Variants in TNKS2 observed in about 807,000 individuals in gnomAD.
TNKS2 encodes the protein poly [ADP-ribose] polymerase tankyrase-2.
A neutral mutation model predicts 137.6 loss-of-function variants in TNKS2; 72 were observed. The ratio of observed to expected loss-of-function variants is 0.52; its 90% CI spans 0.43 to 0.64. The LOEUF is 0.64. Ranked by LOEUF, TNKS2 falls within the 30% of genes least tolerant of loss-of-function variation. TNKS2 has a pLI of 0.00. For missense variants in TNKS2, 1,049 were observed against 1,410.2 expected, an observed-to-expected ratio of 0.74 and a Z score of 4.10; for synonymous variants, 516 against 512.1, an observed-to-expected ratio of 1.01 and a Z score of -0.10.
intron 1 of TNKS2, among the ~76,000 whole-genome samples, chr10:91,800,003 C>A (rs1264253639): frequency 1.3e-5 from 2 of 152,152 alleles, no homozygotes; most frequent in African/African-American, 4.8e-5. Context: ...CACTTTCTAC[C>A]AATTGGAGAT....
chr10:91,828,832 G>C (rs918037366), intron 9 of TNKS2, among the ~76,000 whole-genome samples: 1 of 152,104 alleles, frequency 6.6e-6, no homozygotes, highest in African/African-American at 2.4e-5. Context: ...ATTAGATCTA[G>C]AATGTGAATA....
intron 19 of TNKS2, among the ~76,000 whole-genome samples, chr10:91,849,089 G>A (rs1455948256): frequency 2.0e-5 from 3 of 152,094 alleles, no homozygotes; most frequent in South Asian, 2.1e-4. Flanking sequence ...CACCCGCCTC[G>A]GCCTCCCAAA....
intron 16 of TNKS2, among the ~76,000 whole-genome samples, chr10:91,842,724 T>C (rs770077015): frequency 1.3e-5 from 2 of 152,062 alleles, no homozygotes; most frequent in African/African-American, 2.4e-5. Context: ...TAAGCCTTGA[T>C]TGTGCCACTG....
At chr10:91,816,418 T>C (rs1320765743) in intron 2 of TNKS2, among the ~76,000 whole-genome samples, 1 of 152,186 alleles carries the variant, frequency 6.6e-6, no homozygotes, top group African/African-American at 2.4e-5. Context: ...TTAAGATTTT[T>C]CCAAAGAAAA....
In TNKS2 at chr10:91,859,496, C is replaced by T; in HGVS notation, c.3129C>T (p.Gly1043=). ...TTGTGAATGCAATTATCCACAAAGG[C>T]TTTGATGAAAGGCATGCGTACATAG... The part of the protein sequence containing the change: ...SPFVNAIIHK[G]FDERHAYIGG... The change falls in exon 25 of 27, where the codon GGC becomes GGT. Residue 1043 remains glycine (G), a synonymous_variant. Coordinates refer to ENST00000371627, the MANE Select transcript of TNKS2 (RefSeq NM_025235.4). 6.2e-7 allele frequency: 1 copy of T among 1,611,212 alleles called. No homozygotes were observed.
At position 91,859,444 on chromosome 10, in the gene TNKS2, C is replaced by T; in HGVS notation, c.3095-18C>T. On this transcript the variant is annotated intron_variant, in intron 24 of 26. Coordinates refer to ENST00000371627, the MANE Select transcript of TNKS2 (RefSeq NM_025235.4). ...AGATAAATTTTAAATTATTGTTACC[C>T]ATCTATATGTGTTTCAGGGTCTCCT... The T allele has an allele frequency of 9.6e-6, 14 of 1,455,794 alleles. No homozygotes were observed. Among genetic ancestry groups the T allele is most frequent in the Middle Eastern group, 1.8e-4 (1 of 5,462 alleles). 90.2% of individuals were successfully genotyped at this position (1,455,794 alleles called of 1,614,324 possible).
At chr10:91,801,303 T>C (rs1326678823) in intron 1 of TNKS2, among the ~76,000 whole-genome samples, 3 of 152,132 alleles carry the variant, frequency 2.0e-5, no homozygotes, top group Non-Finnish European at 4.4e-5. Flanking sequence ...TAAACAGGAA[T>C]TTTCCTTCTA....
intron 18 of TNKS2, among the ~76,000 whole-genome samples, chr10:91,847,700 C>G (rs1160499877): frequency 6.6e-6 from 1 of 152,146 alleles, no homozygotes; most frequent in Non-Finnish European, 1.5e-5. Context: ...CTACCCACCT[C>G]CTCTCCAAAA....
At position 91,845,910 on chromosome 10, in the gene TNKS2, G is replaced by T; in HGVS notation, c.2328G>T (p.Gln776His). 2 of 1,582,864 alleles carry T rather than the reference G, an allele frequency of 1.3e-6. No individual in the cohort carries two copies. The highest frequency in any genetic ancestry group is 1.7e-6 in the Non-Finnish European group (2 of 1,157,586). Reference sequence around the variant, plus strand: ...GAGCTGACCCGACTCTTAAAAATCAGGAAGGACAAACACCTTTAGATTTAG... The same window carrying T: ...GAGCTGACCCGACTCTTAAAAATCATGAAGGACAAACACCTTTAGATTTAG... ...AHGADPTLKNQEGQTPLDLVS... is the reference protein window; with the variant it reads ...AHGADPTLKNHEGQTPLDLVS... Residue 776 changes from glutamine to histidine, a missense_variant, in exon 18 of 27, where the codon CAG (glutamine) becomes CAT (histidine). By Grantham distance (24) the Gln-to-His change is conservative. Around this residue, in one of 6 missense-constraint regions of TNKS2, gnomAD observed 208 missense variants for 231.2 expected, o/e 0.90. Transcript: ENST00000371627.
At chr10:91,828,234 G>A in intron 8 of TNKS2, 51 bp from the exon 9 acceptor site, 2 of 1,415,652 alleles carry the variant, frequency 1.4e-6, no homozygotes, top group Non-Finnish European at 1.9e-6. Context: ...TTTTAGATAA[G>A]GCTTTTCAAT....
intron 1 of TNKS2, among the ~76,000 whole-genome samples, chr10:91,812,138 T>C (rs192276588): frequency 3.6e-4 from 55 of 152,226 alleles, no homozygotes; most frequent in Admixed American, 2.1e-3. Flanking sequence ...AAACACATTG[T>C]AGACCACTCC....
chr10:91,819,325 A>G lies in TNKS2; in HGVS notation c.557+19A>G, dbSNP rs752749232. On this transcript the variant is annotated intron_variant, in intron 4 of 26. Transcript: ENST00000371627. The stretch of plus-strand genomic sequence containing the variant: ...GTGCCAGGTACGTACTAATGTTATA[A>G]ATATGTGACAGGAATACTTCACCAT... 1.4e-6 allele frequency: 2 copies of G among 1,471,910 alleles called. No homozygotes were observed. Among genetic ancestry groups the G allele is most frequent in the South Asian group, 2.9e-5 (2 of 70,020 alleles). 91.2% of individuals were successfully genotyped at this position (1,471,910 alleles called of 1,614,324 possible). A position where few individuals can be genotyped will look rare whatever the true frequency, so the allele number is the denominator to read the frequency against.
intron 6 of TNKS2, among the ~76,000 whole-genome samples, chr10:91,820,738 A>C (rs1228071641): frequency 6.6e-6 from 1 of 152,206 alleles, no homozygotes; most frequent in African/African-American, 2.4e-5. Context: ...CTAGAAGCAA[A>C]AGCAGCAATT....
intron 16 of TNKS2, among the ~76,000 whole-genome samples, 156 bp from the exon 17 acceptor site, chr10:91,844,763 C>T (rs1470981216): frequency 1.3e-5 from 2 of 151,956 alleles, no homozygotes. Flanking sequence ...TATACAAAAT[C>T]TCTTTTTTTA....
At chr10:91,848,282 C>G (rs1842440649) in intron 18 of TNKS2, 101 bp from the exon 19 acceptor site, 1 of 1,327,166 alleles carries the variant, frequency 7.5e-7, no homozygotes, top group African/African-American at 1.5e-5. Context: ...AGTACTGGCA[C>G]AAATTGCTGG....
At chr10:91,848,830 CCTA>C (rs1414260899) in intron 19 of TNKS2, among the ~76,000 whole-genome samples, 195 bp downstream of exon 19, 7 of 151,876 alleles carry the variant, frequency 4.6e-5, no homozygotes, top group African/African-American at 1.7e-4. Flanking sequence ...GTGCTACTAA[CCTA>C]CTATTTATTT....
intron 17 of TNKS2, 119 bp downstream of exon 17, chr10:91,845,147 TAA>T: frequency 2.8e-6 from 2 of 708,036 alleles, no homozygotes; most frequent in Non-Finnish European, 4.8e-6. Context: ...GTGGCAGAGC[TAA>T]AGAAGTTAAA....
At chr10:91,827,389 T>C (rs192697126) in intron 8 of TNKS2, among the ~76,000 whole-genome samples, 186 bp downstream of exon 8, 1 of 152,348 alleles carries the variant, frequency 6.6e-6, no homozygotes, top group African/African-American at 2.4e-5. Context: ...AAAGAAAATA[T>C]GTTTGTATTA....
At chr10:91,801,698 T>G (rs544432883) in intron 1 of TNKS2, among the ~76,000 whole-genome samples, 1 of 152,132 alleles carries the variant, frequency 6.6e-6, no homozygotes, top group South Asian at 2.1e-4. Context: ...GGTCTCAAAC[T>G]CCTGATCTCG....
Sources: allele counts gnomAD v4.1 joint callset (sites outside exome capture counted in the v4.1 genomes callset), GRCh38; gene constraint gnomAD v4.1.1; regional missense constraint gnomAD v4.1.1; transcripts MANE v1.5; gene names NCBI Gene and HGNC (gene_info 2026-07-23, HGNC 2026-07-21).